ZKSCAN1: variants seen among roughly 807,000 people sequenced by gnomAD.
The protein encoded by ZKSCAN1 is zinc finger protein with KRAB and SCAN domains 1.
A neutral mutation model predicts 51.6 loss-of-function variants in ZKSCAN1; 14 were observed. The observed-to-expected ratio is 0.27, with a 90% CI of 0.18 to 0.42. The LOEUF is 0.42. Ranked by LOEUF, ZKSCAN1 falls within the 10% of genes least tolerant of loss-of-function variation. The pLI, the probability that ZKSCAN1 is intolerant of heterozygous loss-of-function variation, is 1.00. For missense variants in ZKSCAN1, 531 were observed against 710.0 expected (o/e 0.75, Z 2.86); for synonymous variants, 263 against 261.5 (o/e 1.01, Z -0.06).
intron 1 of ZKSCAN1, among the ~76,000 whole-genome samples, chr7:100,018,689 T>G (rs1790476474): frequency 6.6e-6 from 1 of 152,160 alleles, no homozygotes; most frequent in Admixed American, 6.5e-5. Flanking sequence ...GCCCGGCGCA[T>G]CATGAGAAAT....
intron 2 of ZKSCAN1, 110 bp downstream of exon 2, chr7:100,024,042 A>C (rs1790707805): frequency 2.0e-6 from 3 of 1,523,498 alleles, no homozygotes; most frequent in Non-Finnish European, 1.8e-6. Context: ...CTGTCTTAAA[A>C]ATGTTCTGGC....
rs565857844 is a variant in ZKSCAN1, at chr7:100,040,272, C to A, written c.*6075C>A. On this transcript the variant is annotated 3_prime_UTR_variant, in exon 6 of 6. Coordinates refer to ENST00000324306, the MANE Select transcript of ZKSCAN1 (RefSeq NM_003439.4). ...CCCCAATCTCATGTTTTCCTGTTAC[C>A]CTAAAACAGTGGAAGGAAACTGGGT... is the stretch of plus-strand genomic sequence containing the variant. 3 of 985,208 alleles carry A rather than the reference C, an allele frequency of 3.0e-6. No homozygotes were observed. In the African/African-American group the frequency reaches 5.2e-5, roughly 17 times the overall value. The allele number at this position is 985,208 out of a possible 1,614,324, so 61.0% of individuals were successfully genotyped here. A position where few individuals can be genotyped will look rare whatever the true frequency, so the allele number is the denominator to read the frequency against.
rs1046907956 is a variant in ZKSCAN1, at chr7:100,024,237, C to T, written c.510C>T (p.Asp170=). ...LDPVQESSSF[D]LHHEATQSHF... The stretch of plus-strand genomic sequence containing the variant: ...CAGTTCAGGAGTCCTCGAGCTTTGA[C>T]CTTCATCACGAGGCCACCCAGTCCC... Residue 170 remains aspartate, a synonymous_variant, in exon 3 of 6, where the codon GAC becomes GAT. Coordinates refer to ENST00000324306, the MANE Select transcript of ZKSCAN1 (RefSeq NM_003439.4). 2.5e-6 allele frequency: 4 copies of T among 1,613,972 alleles called. No individual in the cohort carries two copies. The highest frequency in any genetic ancestry group is 1.1e-5 in the South Asian group (1 of 91,078).
intron 3 of ZKSCAN1, chr7:100,024,582 G>A (rs1345706688): frequency 2.8e-6 from 1 of 363,472 alleles, no homozygotes; most frequent in Non-Finnish European, 5.1e-6. Context: ...ACACAGCAAG[G>A]ACCCTGTCTC....
At chr7:100,030,023 T>A in intron 4 of ZKSCAN1, 71 bp downstream of exon 4, 3 of 1,547,684 alleles carry the variant, frequency 1.9e-6, no homozygotes, top group Non-Finnish European at 2.7e-6. Flanking sequence ...CTTCATTATC[T>A]CCACAGGCCA....
chr7:100,033,621 G>A lies in ZKSCAN1; in HGVS notation c.1116G>A (p.Thr372=), dbSNP rs150223658. 10 of 1,614,064 alleles carry A rather than the reference G, an allele frequency of 6.2e-6. No individual in the cohort carries two copies. Among genetic ancestry groups the A allele is most frequent in the Admixed American group, 3.3e-5 (2 of 59,994 alleles). The change falls in exon 6 of 6, where the codon ACG becomes ACA. Residue 372 remains threonine, a synonymous_variant. Coordinates refer to ENST00000324306, the MANE Select transcript of ZKSCAN1 (RefSeq NM_003439.4). This position sits in a 1 kb window ranked among gnomAD's most constrained non-coding sequence, Gnocchi z 4.1. ...SNFTTPEEVP[T]GTKSHRCDEC... ...TCACCACCCCTGAAGAAGTTCCCAC[G>A]GGAACAAAGTCTCACAGATGTGATG...
chr7:100,025,330 A>C (rs1197094335), intron 3 of ZKSCAN1, among the ~76,000 whole-genome samples: 1 of 151,768 alleles, frequency 6.6e-6, no homozygotes, highest in African/African-American at 2.4e-5. Context: ...AAAAAAAAAA[A>C]AAAAACTATA....
At chr7:100,028,403 T>C (rs544605202) in intron 3 of ZKSCAN1, among the ~76,000 whole-genome samples, 1 of 151,722 alleles carries the variant, frequency 6.6e-6, no homozygotes, top group African/African-American at 2.4e-5. Flanking sequence ...AATCCTAGCA[T>C]TTGGGGAGAC....
chr7:100,022,620 T>A (rs1790637668), intron 1 of ZKSCAN1, among the ~76,000 whole-genome samples: 2 of 152,210 alleles, frequency 1.3e-5, no homozygotes, highest in Non-Finnish European at 2.9e-5. Context: ...AGTAGCTGGA[T>A]GGTACAAAAG....
At position 100,029,918 on chromosome 7, in the gene ZKSCAN1, C is replaced by G. The variant is rs759766571; in HGVS notation, c.638C>G (p.Ala213Gly). Reference protein sequence around the residue: ...PPHEGSPRDQAMASALFTADS... With the variant: ...PPHEGSPRDQGMASALFTADS... ...CATGAGGGTAGTCCCAGAGACCAGGCGATGGCATCTGCACTATTCACAGCG... is the reference window on the plus strand; with the variant it reads ...CATGAGGGTAGTCCCAGAGACCAGGGGATGGCATCTGCACTATTCACAGCG... Residue 213 changes from alanine to glycine, a missense_variant, in exon 4 of 6, where the codon GCG (alanine) becomes GGG (glycine). Coordinates refer to ENST00000324306, the MANE Select transcript of ZKSCAN1 (RefSeq NM_003439.4). 1 of 1,614,190 alleles carries G rather than the reference C, an allele frequency of 6.2e-7. No individual in the cohort carries two copies. The highest frequency in any genetic ancestry group is 2.2e-5 in the East Asian group (1 of 44,886).
chr7:100,029,198 G>A (rs1046075148), intron 3 of ZKSCAN1, among the ~76,000 whole-genome samples: 13 of 149,426 alleles, frequency 8.7e-5, no homozygotes, highest in Non-Finnish European at 1.8e-4. Context: ...AACTTACCCA[G>A]AGCTAAGGAG....
Position 100,041,319 on chromosome 7 carries a change from G to A in ZKSCAN1, c.*7122G>A, listed in dbSNP as rs978103249. 8.1e-6 allele frequency: 8 copies of A among 984,700 alleles called. No individual in the cohort carries two copies. The highest frequency in any genetic ancestry group is 9.4e-5 in the South Asian group (2 of 21,276). 61.0% of individuals were successfully genotyped at this position (984,700 alleles called of 1,614,324 possible). A position where few individuals can be genotyped will look rare whatever the true frequency, so the allele number is the denominator to read the frequency against. On this transcript the variant is annotated 3_prime_UTR_variant, in exon 6 of 6. Coordinates refer to ENST00000324306, the MANE Select transcript of ZKSCAN1 (RefSeq NM_003439.4). ...CAGATGCTTGGTAGATGTTCAATAC[G>A]TGATTTTTTTTTTAATTGAATGTGT...
intron 3 of ZKSCAN1, among the ~76,000 whole-genome samples, chr7:100,028,705 T>C (rs941722604): frequency 6.6e-6 from 1 of 151,868 alleles, no homozygotes; most frequent in Non-Finnish European, 1.5e-5. Flanking sequence ...ATCACAGTTA[T>C]TGTGATCACG....
rs1791189339 is a variant in ZKSCAN1, at chr7:100,033,232, G to A, written c.800-73G>A. ...TTGCAGCCGTGTAGAAGCTTCTCGG[G>A]AAACTGTCGCTTGACCCACCTGTAT... On this transcript the variant is annotated intron_variant, in intron 5 of 5. Coordinates refer to ENST00000324306, the MANE Select transcript of ZKSCAN1 (RefSeq NM_003439.4). This position sits in a 1 kb window ranked among gnomAD's most constrained non-coding sequence, Gnocchi z 4.1. The A allele has an allele frequency of 6.7e-7, 1 of 1,487,194 alleles. No homozygotes were observed. The highest frequency in any genetic ancestry group is 8.9e-7 in the Non-Finnish European group (1 of 1,125,002). 92.1% of individuals were successfully genotyped at this position (1,487,194 alleles called of 1,614,324 possible).
intron 4 of ZKSCAN1, 32 bp downstream of exon 4, chr7:100,029,984 C>T: frequency 6.2e-7 from 1 of 1,607,580 alleles, no homozygotes; most frequent in Non-Finnish European, 8.5e-7. Context: ...CTCCTGAGTC[C>T]TCAGTGTCTG....
rs1791365715 is a variant in ZKSCAN1, at chr7:100,036,490, G to A, written c.*2293G>A. ...CCAGCACTTTGGGAGGCCGAGGTGA[G>A]CGGATCACCTGAGGTCAGGAGTTTT... is the stretch of plus-strand genomic sequence containing the variant. On this transcript the variant is annotated 3_prime_UTR_variant, in exon 6 of 6. Coordinates refer to ENST00000324306, the MANE Select transcript of ZKSCAN1 (RefSeq NM_003439.4). 1 of 966,814 alleles carries A rather than the reference G, an allele frequency of 1.0e-6. No individual in the cohort carries two copies. The highest frequency in any genetic ancestry group is 1.2e-6 in the Non-Finnish European group (1 of 813,036). The allele number at this position is 966,814 out of a possible 1,614,324, so 59.9% of individuals were successfully genotyped here. A position where few individuals can be genotyped will look rare whatever the true frequency, so the allele number is the denominator to read the frequency against.
Position 100,035,962 on chromosome 7 carries a change from T to C in ZKSCAN1, c.*1765T>C. 7.1e-6 allele frequency: 7 copies of C among 985,458 alleles called. No individual in the cohort carries two copies. Among genetic ancestry groups the C allele is most frequent in the Non-Finnish European group, 8.4e-6 (7 of 829,944 alleles). The allele number at this position is 985,458 out of a possible 1,614,324, so 61.0% of individuals were successfully genotyped here. ...ATAGACTGAGAACAAACCTCAAGAC[T>C]ATCAGTGTGACCTCCCCATAACAAG... On this transcript the variant is annotated 3_prime_UTR_variant, in exon 6 of 6. Transcript: ENST00000324306.
rs1791360376 is a variant in ZKSCAN1 at position 100,036,351 on chromosome 7, T to C, written c.*2154T>C. The C allele has an allele frequency of 1.1e-5, 11 of 985,450 alleles. No homozygotes were observed. The highest frequency in any genetic ancestry group is 1.3e-5 in the Non-Finnish European group (11 of 829,936). The allele number at this position is 985,450 out of a possible 1,614,324, so 61.0% of individuals were successfully genotyped here. ...GGCAGAAAATGTTTTAAGGATTTTCTTCAAAGAATAAGCCACAGCAATGGT... is the reference window on the plus strand; with the variant it reads ...GGCAGAAAATGTTTTAAGGATTTTCCTCAAAGAATAAGCCACAGCAATGGT... On this transcript the variant is annotated 3_prime_UTR_variant, in exon 6 of 6. Coordinates refer to ENST00000324306, the MANE Select transcript of ZKSCAN1 (RefSeq NM_003439.4).
Position 100,033,683 on chromosome 7 carries a change from T to C in ZKSCAN1, c.1178T>C (p.Ile393Thr), listed in dbSNP as rs1040451409. ...GKCFTRSSSLIRHKIIHTGEK... is the reference protein window; with the variant it reads ...GKCFTRSSSLTRHKIIHTGEK... Reference sequence around the variant, plus strand: ...TGCTTCACGAGAAGTTCAAGCCTTATCCGCCATAAAATAATCCACACTGGA... The same window carrying C: ...TGCTTCACGAGAAGTTCAAGCCTTACCCGCCATAAAATAATCCACACTGGA... Residue 393 changes from isoleucine to threonine, a missense_variant, in exon 6 of 6, where the codon ATC (isoleucine) becomes ACC (threonine). By Grantham distance (89) the Ile-to-Thr change is moderately conservative (BLOSUM62 -1). Transcript: ENST00000324306. The surrounding 1 kb of genome is among the most constrained non-coding windows in gnomAD (Gnocchi z 4.1). 2 of 1,614,070 alleles carry C rather than the reference T, an allele frequency of 1.2e-6. No homozygotes were observed. Among genetic ancestry groups the C allele is most frequent in the African/African-American group, 2.7e-5 (2 of 74,942 alleles).
Sources: allele counts gnomAD v4.1 joint callset (sites outside exome capture counted in the v4.1 genomes callset), GRCh38; gene constraint gnomAD v4.1.1; non-coding constraint Gnocchi (gnomAD v3.1); transcripts MANE v1.5; gene names NCBI Gene and HGNC (gene_info 2026-07-23, HGNC 2026-07-21).